Variants in ENPP6 observed in about 807,000 individuals in gnomAD.
ENPP6 encodes the protein glycerophosphocholine cholinephosphodiesterase ENPP6.
Under a neutral mutation model 42.0 loss-of-function variants are expected in ENPP6, and 32 were observed. That is an observed-to-expected ratio of 0.76 (90% CI 0.58 to 1.02). The LOEUF (loss-of-function observed/expected upper bound fraction) is 1.02. Among genes scored for constraint, ENPP6 ranks in the 50% least tolerant of loss-of-function variants. The pLI is 0.00. For missense variants in ENPP6, 552 were observed against 566.8 expected, an observed-to-expected ratio of 0.97 and a Z score of 0.27; for synonymous variants, 213 against 216.0, an observed-to-expected ratio of 0.99 and a Z score of 0.12.
intron 3 of ENPP6, 21 bp from the exon 4 acceptor site, chr4:184,117,921 G>A (rs1239406773): frequency 1.9e-6 from 3 of 1,611,624 alleles, no homozygotes; most frequent in South Asian, 2.2e-5. Flanking sequence ...AGAGGAGAGA[G>A]GCATAGGTGA....
intron 2 of ENPP6, among the ~76,000 whole-genome samples, chr4:184,132,975 C>A (rs897508555): frequency 6.6e-6 from 1 of 152,014 alleles, no homozygotes; most frequent in Non-Finnish European, 1.5e-5. Context: ...TCAGGAATTT[C>A]TGACCTTTAC....
At chr4:184,101,159 A>ATGTGTGTGTGCATGAG (rs1379704955) in intron 6 of ENPP6, among the ~76,000 whole-genome samples, 2 of 151,478 alleles carry the variant, frequency 1.3e-5, no homozygotes, top group African/African-American at 4.9e-5. Context: ...GTGTGTGTGA[A>ATGTGTGTGTGCATGAG]TGTGTGTGTG....
At chr4:184,192,506 A>G (rs1235157374) in intron 1 of ENPP6, among the ~76,000 whole-genome samples, 1 of 152,194 alleles carries the variant, frequency 6.6e-6, no homozygotes, top group Non-Finnish European at 1.5e-5. Flanking sequence ...ATAAGAAAAC[A>G]TAGGAGTAAA....
At chr4:184,098,421 G>A (rs540156896) in intron 6 of ENPP6, among the ~76,000 whole-genome samples, 7 of 152,256 alleles carry the variant, frequency 4.6e-5, no homozygotes, top group Middle Eastern at 3.4e-3. Flanking sequence ...CAAAGCAGCC[G>A]GACCCAGAAG....
intron 2 of ENPP6, among the ~76,000 whole-genome samples, chr4:184,126,825 G>C (rs1736513982): frequency 1.3e-5 from 2 of 152,224 alleles, no homozygotes; most frequent in South Asian, 4.1e-4. Flanking sequence ...CTCAGCTACA[G>C]ATTAGATTGA....
chr4:184,133,045 A>T (rs76352298), intron 2 of ENPP6, among the ~76,000 whole-genome samples: 1,764 of 152,204 alleles, frequency 0.012, 49 homozygotes, highest in African/African-American at 0.04. Flanking sequence ...TGTAGTTTAA[A>T]GTAGGTCTGT....
intron 1 of ENPP6, among the ~76,000 whole-genome samples, chr4:184,201,095 A>G (rs1335178484): frequency 1.3e-5 from 2 of 152,148 alleles, no homozygotes; most frequent in Non-Finnish European, 2.9e-5. Flanking sequence ...GTATCCAACA[A>G]GAGTCAAACA....
intron 1 of ENPP6, among the ~76,000 whole-genome samples, chr4:184,207,874 T>A (rs1733025991): frequency 6.6e-6 from 1 of 152,226 alleles, no homozygotes; most frequent in Admixed American, 6.5e-5. Context: ...TGGTGTCTCC[T>A]GGGCCCCTCT....
intron 1 of ENPP6, among the ~76,000 whole-genome samples, chr4:184,173,400 A>G (rs1737507814): frequency 6.6e-6 from 1 of 152,208 alleles, no homozygotes; most frequent in Admixed American, 6.5e-5. Flanking sequence ...CCTATTATAA[A>G]TGGTGCAAGT....
chr4:184,139,361 T>A (rs1355098190), intron 2 of ENPP6, among the ~76,000 whole-genome samples: 1 of 151,898 alleles, frequency 6.6e-6, no homozygotes, highest in Non-Finnish European at 1.5e-5. Flanking sequence ...TTTTTTAAAT[T>A]TATTATTATT....
intron 2 of ENPP6, among the ~76,000 whole-genome samples, chr4:184,129,820 G>C (rs973370976): frequency 6.6e-6 from 1 of 152,166 alleles, no homozygotes; most frequent in Non-Finnish European, 1.5e-5. Flanking sequence ...GTATATAACA[G>C]ATGATCTCCT....
At chr4:184,113,965 C>CTTTCTA in intron 5 of ENPP6, among the ~76,000 whole-genome samples, 2 of 36,514 alleles carry the variant, frequency 5.5e-5, no homozygotes, top group South Asian at 9.0e-4. Context: ...CTTTCTTTCT[C>CTTTCTA]TCTTTCTTTC....
At chr4:184,185,004 G>A (rs1164762745) in intron 1 of ENPP6, among the ~76,000 whole-genome samples, 5 of 152,198 alleles carry the variant, frequency 3.3e-5, no homozygotes, top group Admixed American at 3.3e-4. Context: ...AGGAAGACTG[G>A]AGACAACAGA....
chr4:184,112,067 A>T (rs1736204256), intron 6 of ENPP6, among the ~76,000 whole-genome samples: 1 of 152,188 alleles, frequency 6.6e-6, no homozygotes, highest in African/African-American at 2.4e-5. Flanking sequence ...TGTAAACATG[A>T]CACGACTGCA....
intron 6 of ENPP6, among the ~76,000 whole-genome samples, chr4:184,111,224 A>G (rs182701276): frequency 6.6e-6 from 1 of 152,316 alleles, no homozygotes; most frequent in East Asian, 1.9e-4. Context: ...GTAATGACGG[A>G]TGCAAATAGC....
intron 1 of ENPP6, among the ~76,000 whole-genome samples, chr4:184,156,208 T>C (rs1241389867): frequency 6.6e-6 from 1 of 152,184 alleles, no homozygotes; most frequent in Non-Finnish European, 1.5e-5. Flanking sequence ...GGGCTTCCTT[T>C]GCTCTGGGAA....
At chr4:184,134,131 G>GATTTATTTATTTATTTACTTATTTATTT in intron 2 of ENPP6, among the ~76,000 whole-genome samples, 1 of 147,296 alleles carries the variant, frequency 6.8e-6, no homozygotes, top group South Asian at 2.2e-4. Flanking sequence ...TTATGGAAGT[G>GATTTATTTATTTATTTACTTATTTATTT]ATTTATTTAT....
chr4:184,144,262 A>C (rs1345295506), intron 2 of ENPP6, among the ~76,000 whole-genome samples: 1 of 152,214 alleles, frequency 6.6e-6, no homozygotes, highest in Non-Finnish European at 1.5e-5. Context: ...TTACTTTGCC[A>C]GGACTCCTCC....
chr4:184,124,385 G>C (rs924090364), intron 2 of ENPP6, 113 bp from the exon 3 acceptor site: 11 of 735,316 alleles, frequency 1.5e-5, no homozygotes, highest in Admixed American at 1.4e-4. Context: ...AAAATGTTGA[G>C]TATTTTTATG....
Sources: allele counts gnomAD v4.1 joint callset (sites outside exome capture counted in the v4.1 genomes callset), GRCh38; gene constraint gnomAD v4.1.1; transcripts MANE v1.5; gene names NCBI Gene and HGNC (gene_info 2026-07-23, HGNC 2026-07-21).